Variants in CAMK4 observed in about 807,000 individuals in gnomAD.
The protein encoded by CAMK4 is calcium/calmodulin dependent protein kinase IV.
Under a neutral mutation model 44.9 loss-of-function variants are expected in CAMK4, and 22 were observed. The observed-to-expected ratio is 0.49, with a 90% CI of 0.35 to 0.70. The LOEUF (loss-of-function observed/expected upper bound fraction) is 0.70, where lower values mean the gene tolerates loss of function less well. CAMK4 is among the 30% of genes least tolerant of loss of function. The pLI, the probability that CAMK4 is intolerant of heterozygous loss-of-function variation, is 0.01. For synonymous variants in CAMK4, 218 were observed against 215.4 expected (o/e 1.01, Z -0.11); for missense variants, 498 against 586.8 (o/e 0.85, Z 1.56).
At chr5:111,270,982 G>A (rs908192857) in intron 1 of CAMK4, among the ~76,000 whole-genome samples, 51 of 152,142 alleles carry the variant, frequency 3.4e-4, no homozygotes, top group Admixed American at 7.9e-4. Context: ...TTCACAAGGC[G>A]GCAGGAAGGG....
chr5:111,383,622 A>T (rs1328361006), intron 4 of CAMK4, among the ~76,000 whole-genome samples: 1 of 141,970 alleles, frequency 7.0e-6, no homozygotes, highest in Non-Finnish European at 1.5e-5. Context: ...AGGGGAGATA[A>T]TTTTTTTTTT....
At chr5:111,333,567 T>G (rs1222326880) in intron 1 of CAMK4, among the ~76,000 whole-genome samples, 1 of 151,644 alleles carries the variant, frequency 6.6e-6, no homozygotes. Context: ...GCATTTGGGT[T>G]CCAGAGCTTC....
chr5:111,293,937 C>T (rs970225927), intron 1 of CAMK4, among the ~76,000 whole-genome samples: 2 of 151,796 alleles, frequency 1.3e-5, no homozygotes, highest in Admixed American at 6.6e-5. Flanking sequence ...TTAGTAGAGA[C>T]AGGGTTTCAC....
intron 1 of CAMK4, among the ~76,000 whole-genome samples, chr5:111,320,024 GAA>G (rs1444664196): frequency 6.6e-6 from 1 of 152,114 alleles, no homozygotes; most frequent in African/African-American, 2.4e-5. Context: ...GAATAAAAAA[GAA>G]TGTGATTTAT....
At chr5:111,390,692 C>T (rs555550693) in intron 4 of CAMK4, among the ~76,000 whole-genome samples, 7 of 152,166 alleles carry the variant, frequency 4.6e-5, no homozygotes, top group African/African-American at 9.6e-5. Context: ...GAAAGTTAGA[C>T]ATAGCAACAA....
At position 111,290,949 on chromosome 5, in the gene CAMK4, C is replaced by G. The variant is rs1331344069; in HGVS notation, c.162-53075C>G. ...TCCCATTTAAATTAAGAAAATGCCA[C>G]TTGGCTCTTTATGTTACCATGGGAA... On this transcript the variant is annotated intron_variant, in intron 1 of 10. Transcript: ENST00000282356. The surrounding 1 kb of genome is among the most constrained non-coding windows in gnomAD (Gnocchi z 4.5). Among the ~76,000 whole-genome samples, 2 of 152,188 alleles carry G rather than the reference C, an allele frequency of 1.3e-5. No individual in the cohort carries two copies. The highest frequency in any genetic ancestry group is 2.9e-5 in the Non-Finnish European group (2 of 68,032).
In CAMK4 at chr5:111,478,481, G is replaced by A; in HGVS notation, c.802G>A (p.Glu268Lys). 6.5e-7 allele frequency: 1 copy of A among 1,539,526 alleles called. No individual in the cohort carries two copies. The highest frequency in any genetic ancestry group is 8.9e-7 in the Non-Finnish European group (1 of 1,118,808). The change falls in exon 9 of 11, where the codon GAA (glutamate) becomes AAA (lysine). Residue 268 changes from glutamate to lysine, a missense_variant. This residue lies in a region of CAMK4 where 203 missense variants were observed against 298.2 expected (regional missense o/e 0.68). Coordinates refer to ENST00000282356, the MANE Select transcript of CAMK4 (RefSeq NM_001744.6). The stretch of plus-strand genomic sequence containing the variant: ...TTACTTTATCTCCCCCTGGTGGGAT[G>A]AAGTATCTCTAAATGCCAAGGACTT... ...EYYFISPWWD[E>K]VSLNAKDLVR...
chr5:111,396,709 T>A (rs1238942679), intron 5 of CAMK4, among the ~76,000 whole-genome samples: 1 of 140,728 alleles, frequency 7.1e-6, no homozygotes, highest in African/African-American at 2.6e-5. Flanking sequence ...GACGTGATCT[T>A]GGCTCACTGC....
intron 1 of CAMK4, among the ~76,000 whole-genome samples, chr5:111,242,912 C>A (rs75240270): frequency 2.0e-5 from 3 of 152,074 alleles, no homozygotes; most frequent in Non-Finnish European, 2.9e-5. Context: ...GGTGTCATCT[C>A]GGGAAGCCCT....
chr5:111,258,740 CGTGTGTGTGTGTGTGTGT>C (rs201959904), intron 1 of CAMK4, among the ~76,000 whole-genome samples: 14 of 139,332 alleles, frequency 1.0e-4, no homozygotes, highest in East Asian at 4.2e-4. Context: ...GAGTTATCAG[CGTGTGTGTGTGTGTGTGT>C]GTGTGTGTGT....
Position 111,397,649 on chromosome 5 carries a change from C to CTGTGTG in CAMK4, c.459+2905_459+2910dup, listed in dbSNP as rs3066726. Among the ~76,000 whole-genome samples the CTGTGTG allele has an allele frequency of 1.2e-3, 110 of 88,566 alleles. 1 individual carries two copies. Among genetic ancestry groups the CTGTGTG allele is most frequent in the East Asian group, 0.011 (38 of 3,474 alleles). 58.1% of individuals were successfully genotyped at this position (88,566 alleles called of 152,430 possible). A position where few individuals can be genotyped will look rare whatever the true frequency, so the allele number is the denominator to read the frequency against. On this transcript the variant is annotated intron_variant, in intron 5 of 10. Coordinates refer to ENST00000282356, the MANE Select transcript of CAMK4 (RefSeq NM_001744.6). ...CAGGTAATATCCTCAAGTCAGCATG[C>CTGTGTG]TGTGTGTGTGTGTGTGTGTGTGTGT...
chr5:111,338,365 A>T (rs373058920), intron 1 of CAMK4, among the ~76,000 whole-genome samples: 9 of 151,244 alleles, frequency 6.0e-5, no homozygotes, highest in South Asian at 2.1e-4. Flanking sequence ...GAGTAACATC[A>T]TATCTCCCTA....
intron 1 of CAMK4, among the ~76,000 whole-genome samples, chr5:111,343,415 T>C (rs1749726010): frequency 6.6e-6 from 1 of 151,784 alleles, no homozygotes; most frequent in East Asian, 1.9e-4. Flanking sequence ...TCTCATGTGG[T>C]GTTTGGAGCA....
At chr5:111,328,266 G>C (rs1056078038) in intron 1 of CAMK4, among the ~76,000 whole-genome samples, 6 of 151,224 alleles carry the variant, frequency 4.0e-5, no homozygotes, top group Admixed American at 1.3e-4. Flanking sequence ...ATTAAATAGG[G>C]AATCCTTTCC....
intron 9 of CAMK4, among the ~76,000 whole-genome samples, chr5:111,480,322 G>T (rs1327800141): frequency 7.3e-6 from 1 of 136,628 alleles, no homozygotes; most frequent in Non-Finnish European, 1.5e-5. Flanking sequence ...AGCCCCAGCT[G>T]CCACTAGATA....
intron 5 of CAMK4, chr5:111,416,635 G>A (rs1752825099): frequency 6.6e-6 from 1 of 152,136 alleles, no homozygotes; most frequent in Non-Finnish European, 1.5e-5. Context: ...CATTTATAAA[G>A]TAGAAATAAT....
chr5:111,346,537 A>G (rs928724174), intron 2 of CAMK4, among the ~76,000 whole-genome samples: 3 of 141,294 alleles, frequency 2.1e-5, no homozygotes, highest in African/African-American at 7.9e-5. Context: ...TCTATTTCCA[A>G]CCATCTTGTT....
intron 5 of CAMK4, among the ~76,000 whole-genome samples, chr5:111,401,516 T>G (rs1752225911): frequency 8.8e-6 from 1 of 113,976 alleles, no homozygotes; most frequent in Non-Finnish European, 1.8e-5. Flanking sequence ...AAAGTCAATA[T>G]GGTATCTGAG....
intron 1 of CAMK4, among the ~76,000 whole-genome samples, chr5:111,225,403 A>G (rs1209070641): frequency 6.6e-6 from 1 of 152,126 alleles, no homozygotes; most frequent in Admixed American, 6.5e-5. Context: ...CTTCTGCATG[A>G]TTCCATATGC....
Sources: allele counts gnomAD v4.1 joint callset (sites outside exome capture counted in the v4.1 genomes callset), GRCh38; gene constraint gnomAD v4.1.1; regional missense constraint gnomAD v4.1.1; non-coding constraint Gnocchi (gnomAD v3.1); transcripts MANE v1.5; gene names NCBI Gene and HGNC (gene_info 2026-07-23, HGNC 2026-07-21).